PPM1H: variants seen among roughly 807,000 people sequenced by gnomAD.
The protein encoded by PPM1H is protein phosphatase, Mg2+/Mn2+ dependent 1H, also known as protein phosphatase 1H.
A neutral mutation model predicts 54.9 loss-of-function variants in PPM1H; 27 were observed. The observed-to-expected ratio is 0.49, with a 90% CI of 0.36 to 0.68. The LOEUF is 0.68. Among genes scored for constraint, PPM1H ranks in the 30% least tolerant of loss-of-function variants. PPM1H has a pLI of 0.00. For missense variants in PPM1H, 596 were observed against 667.8 expected, an observed-to-expected ratio of 0.89 and a Z score of 1.19; for synonymous variants, 305 against 270.8, an observed-to-expected ratio of 1.13 and a Z score of -1.24.
At chr12:62,856,821 A>G (rs1329674355) in intron 1 of PPM1H, among the ~76,000 whole-genome samples, 1 of 152,182 alleles carries the variant, frequency 6.6e-6, no homozygotes. Flanking sequence ...GTGAAGCAGT[A>G]TTTATAACAA....
At chr12:62,760,259 G>A (rs1001593831) in intron 4 of PPM1H, among the ~76,000 whole-genome samples, 5 of 151,996 alleles carry the variant, frequency 3.3e-5, no homozygotes, top group Non-Finnish European at 5.9e-5. Flanking sequence ...TTTACACATT[G>A]GTTCCTCCCT....
rs539681262 is a variant in PPM1H at position 62,934,684 on chromosome 12, G to C, written c.53C>G (p.Ala18Gly). The C allele has an allele frequency of 6.2e-7, 1 of 1,607,146 alleles. No individual in the cohort carries two copies. The highest frequency in any genetic ancestry group is 2.2e-5 in the East Asian group (1 of 44,552). Reference protein sequence around the residue: ...AVANFMGGIMAGSSGSEHGGG... With the variant: ...AVANFMGGIMGGSSGSEHGGG... ...GCCGTGCTCGGAGCCTGAGCTGCCA[G>C]CCATGATGCCGCCCATGAAATTGGC... Residue 18 changes from alanine to glycine, a missense_variant, in exon 1 of 10, where the codon GCT becomes GGT. Transcript: ENST00000228705. This position sits in a 1 kb window ranked among gnomAD's most constrained non-coding sequence, Gnocchi z 4.2.
chr12:62,683,033 TTTATTATTATTATTA>T (rs71086626), intron 8 of PPM1H, among the ~76,000 whole-genome samples: 12,236 of 133,546 alleles, frequency 0.092, 628 homozygotes, highest in African/African-American at 0.12. Context: ...GAGTTTATTA[TTTATTATTATTATTA>T]TTATTATTAT....
At chr12:62,710,630 T>C (rs562057644) in intron 6 of PPM1H, among the ~76,000 whole-genome samples, 22 of 152,096 alleles carry the variant, frequency 1.4e-4, no homozygotes, top group South Asian at 6.2e-4. Context: ...CTGGCTGTAG[T>C]GATGGTGTCT....
chr12:62,858,470 T>C (rs1044825257), intron 1 of PPM1H, among the ~76,000 whole-genome samples: 3 of 152,196 alleles, frequency 2.0e-5, no homozygotes, highest in Non-Finnish European at 4.4e-5. Context: ...TTGTTGTTTT[T>C]TTCATAAATA....
chr12:62,878,359 C>A (rs1180154362), intron 1 of PPM1H, among the ~76,000 whole-genome samples: 1 of 152,134 alleles, frequency 6.6e-6, no homozygotes, highest in Admixed American at 6.5e-5. Flanking sequence ...AGAATCTACC[C>A]AGGGCACTAT....
At chr12:62,858,843 T>G (rs1442468679) in intron 1 of PPM1H, among the ~76,000 whole-genome samples, 3 of 152,246 alleles carry the variant, frequency 2.0e-5, no homozygotes, top group Non-Finnish European at 4.4e-5. Context: ...TTTAAATACC[T>G]CTCACTCTCT....
At chr12:62,813,862 A>C (rs904813747) in intron 2 of PPM1H, among the ~76,000 whole-genome samples, 2 of 152,188 alleles carry the variant, frequency 1.3e-5, no homozygotes. Context: ...TGTGTGAAAA[A>C]CACTTAAATC....
chr12:62,677,001 T>C (rs558289623), intron 8 of PPM1H, among the ~76,000 whole-genome samples: 4 of 152,194 alleles, frequency 2.6e-5, no homozygotes, highest in African/African-American at 9.6e-5. Context: ...CCTGAACCAA[T>C]CAGCTTGCAC....
intron 1 of PPM1H, among the ~76,000 whole-genome samples, chr12:62,852,510 G>A (rs1475285657): frequency 6.6e-6 from 1 of 152,108 alleles, no homozygotes; most frequent in Non-Finnish European, 1.5e-5. Flanking sequence ...GCGATACTTT[G>A]TTACAGCAGC....
At chr12:62,913,205 G>T (rs1871512702) in intron 1 of PPM1H, among the ~76,000 whole-genome samples, 1 of 152,172 alleles carries the variant, frequency 6.6e-6, no homozygotes, top group Non-Finnish European at 1.5e-5. Flanking sequence ...GTATTTAAGG[G>T]AGATTTGAGA....
At chr12:62,728,790 G>A (rs1036422297) in intron 5 of PPM1H, among the ~76,000 whole-genome samples, 2 of 152,176 alleles carry the variant, frequency 1.3e-5, no homozygotes, top group Non-Finnish European at 2.9e-5. Flanking sequence ...AGGGAAGCTA[G>A]CCCTGGTTAT....
At chr12:62,775,462 T>C (rs1296624415) in intron 4 of PPM1H, among the ~76,000 whole-genome samples, 1 of 152,256 alleles carries the variant, frequency 6.6e-6, no homozygotes, top group Non-Finnish European at 1.5e-5. Context: ...GTACCAACAA[T>C]GGACCCACTG....
chr12:62,700,961 A>G (rs1388784345), intron 6 of PPM1H, among the ~76,000 whole-genome samples: 1 of 152,162 alleles, frequency 6.6e-6, no homozygotes, highest in Non-Finnish European at 1.5e-5. Flanking sequence ...TAACAGTTAA[A>G]GAATTTTACT....
chr12:62,772,219 A>G lies in PPM1H; in HGVS notation c.869+16007T>C, dbSNP rs115328190. On this transcript the variant is annotated intron_variant, in intron 4 of 9. Transcript: ENST00000228705. ...GCCTTCTGTGCACCCTCTCATTAAT[A>G]TAACAGTTCTGCAAAGGAGGCTATT... Among the ~76,000 whole-genome samples the G allele has an allele frequency of 4.5e-3, 679 of 152,298 alleles. 5 individuals are homozygous for G. The highest frequency in any genetic ancestry group is 0.016 in the African/African-American group (653 of 41,552).
At chr12:62,724,722 GA>G (rs1031492426) in intron 5 of PPM1H, among the ~76,000 whole-genome samples, 61 of 151,896 alleles carry the variant, frequency 4.0e-4, no homozygotes, top group Admixed American at 1.0e-3. Flanking sequence ...CTTCCAGGAA[GA>G]AAAAAAGCAG....
chr12:62,708,245 A>G (rs778502867), intron 6 of PPM1H, among the ~76,000 whole-genome samples: 3 of 152,222 alleles, frequency 2.0e-5, no homozygotes, highest in South Asian at 2.1e-4. Context: ...TCTGAAGGTA[A>G]GAGGACGGTG....
chr12:62,743,024 G>A (rs2076390979), intron 4 of PPM1H, among the ~76,000 whole-genome samples: 1 of 152,192 alleles, frequency 6.6e-6, no homozygotes. Context: ...GCAAGAATGG[G>A]AGAAAAGGAG....
chr12:62,663,615 T>C (rs775537825), intron 9 of PPM1H, among the ~76,000 whole-genome samples: 6 of 152,288 alleles, frequency 3.9e-5, no homozygotes, highest in Non-Finnish European at 7.3e-5. Flanking sequence ...AAAAACACCA[T>C]TGGTATTATG....
Sources: gnomAD v4.1 joint callset for allele counts (sites outside exome capture counted in the v4.1 genomes callset) on GRCh38, gnomAD v4.1.1 for gene constraint, Gnocchi (gnomAD v3.1) non-coding constraint, MANE v1.5 for transcripts, NCBI Gene and HGNC (gene_info 2026-07-23, HGNC 2026-07-21) for gene names.